Variants in TPRG1 observed in about 807,000 individuals in gnomAD.
TPRG1 encodes the protein tumor protein p63 regulated 1, also known as tumor protein p63-regulated gene 1 protein.
A neutral mutation model predicts 29.3 loss-of-function variants in TPRG1; 29 were observed. That is an observed-to-expected ratio of 0.99 (90% confidence interval 0.74 to 1.35). The LOEUF (loss-of-function observed/expected upper bound fraction) is 1.35. Ranked by LOEUF, TPRG1 falls within the 40% of genes most tolerant of loss-of-function variation. The pLI is 0.00. For missense variants in TPRG1, 327 were observed against 335.0 expected (o/e 0.98, Z 0.19); for synonymous variants, 130 against 116.8 (o/e 1.11, Z -0.73).
intron 4 of TPRG1, among the ~76,000 whole-genome samples, chr3:189,069,380 A>G (rs561844176): frequency 1.3e-5 from 2 of 152,332 alleles, no homozygotes; most frequent in East Asian, 1.9e-4. Flanking sequence ...GAGTACAGCA[A>G]AAAGGGAAAC....
upstream of TPRG1, chr3:189,171,897 G>C (rs1161080925): frequency 6.6e-6 from 1 of 152,192 alleles, no homozygotes; most frequent in Non-Finnish European, 1.5e-5. Flanking sequence ...TGCCTCTGAC[G>C]GGTTGAGTTC....
chr3:189,016,951 C>T (rs1355070040), intron 3 of TPRG1, among the ~76,000 whole-genome samples: 4 of 152,102 alleles, frequency 2.6e-5, no homozygotes, highest in African/African-American at 9.7e-5. Context: ...ATACTGGGTT[C>T]TCTGCATTTC....
At chr3:189,164,299 A>T (rs1166082876) in intron 5 of TPRG1, among the ~76,000 whole-genome samples, 1 of 152,128 alleles carries the variant, frequency 6.6e-6, no homozygotes, top group Non-Finnish European at 1.5e-5. Context: ...AGCAGCTGGG[A>T]CTACAGGTGC....
chr3:189,304,698 T>C (rs1310780609), intron 4 of TPRG1, among the ~76,000 whole-genome samples: 1 of 152,160 alleles, frequency 6.6e-6, no homozygotes, highest in Non-Finnish European at 1.5e-5. Flanking sequence ...CAAAGGAGCA[T>C]TGAATACCCT....
At chr3:189,022,517 G>T (rs1306648981) in intron 3 of TPRG1, among the ~76,000 whole-genome samples, 1 of 151,202 alleles carries the variant, frequency 6.6e-6, no homozygotes, top group Non-Finnish European at 1.5e-5. Context: ...TGCCCCTGCT[G>T]GGGGGTGCCT....
At chr3:189,004,721 C>G (rs888037697) in exon 3 of TPRG1, 1 of 152,108 alleles carries the variant, frequency 6.6e-6, no homozygotes, top group Non-Finnish European at 1.5e-5. Flanking sequence ...ATTACTTCCT[C>G]CCTCCGACTC....
chr3:189,221,847 C>A (rs538936072), intron 3 of TPRG1, among the ~76,000 whole-genome samples: 3 of 152,192 alleles, frequency 2.0e-5, no homozygotes, highest in African/African-American at 7.2e-5. Context: ...ATGAAGAAAC[C>A]TAGAGATTAA....
At chr3:189,076,214 A>G (rs1006006809) in intron 4 of TPRG1, among the ~76,000 whole-genome samples, 1 of 152,122 alleles carries the variant, frequency 6.6e-6, no homozygotes, top group African/African-American at 2.4e-5. Flanking sequence ...AACATCTAAT[A>G]GGTTTGGACT....
At chr3:189,154,473 G>A (rs1194766587) in intron 5 of TPRG1, among the ~76,000 whole-genome samples, 1 of 148,916 alleles carries the variant, frequency 6.7e-6, no homozygotes, top group East Asian at 2.0e-4. Flanking sequence ...ATGGAGTCTT[G>A]CACTGTCACC....
intron 4 of TPRG1, among the ~76,000 whole-genome samples, chr3:189,274,734 C>T (rs572843621): frequency 1.0e-3 from 153 of 152,118 alleles, no homozygotes; most frequent in Middle Eastern, 3.4e-3. Context: ...GAGGCTTGTC[C>T]CTCAACTTGG....
chr3:189,298,334 G>C (rs1003345116), intron 4 of TPRG1, among the ~76,000 whole-genome samples: 1 of 152,150 alleles, frequency 6.6e-6, no homozygotes, highest in African/African-American at 2.4e-5. Context: ...GACTTTGCAG[G>C]GTTCTGTTAA....
intron 4 of TPRG1, among the ~76,000 whole-genome samples, chr3:189,043,439 A>G (rs571848409): frequency 1.3e-5 from 2 of 152,130 alleles, no homozygotes; most frequent in Non-Finnish European, 2.9e-5. Context: ...CATTCACACA[A>G]ATGACAAGGT....
intron 1 of TPRG1, among the ~76,000 whole-genome samples, chr3:189,180,354 C>A (rs962026487): frequency 2.0e-5 from 3 of 152,118 alleles, no homozygotes; most frequent in Non-Finnish European, 4.4e-5. Flanking sequence ...AGTCCACAGT[C>A]CAAAGTCTCA....
chr3:189,232,973 C>T (rs1477850822), intron 3 of TPRG1, among the ~76,000 whole-genome samples: 2 of 152,022 alleles, frequency 1.3e-5, no homozygotes, highest in East Asian at 3.9e-4. Context: ...GGCCTGAAAC[C>T]CAGTGGGTGA....
chr3:189,282,355 G>T (rs151208227), intron 4 of TPRG1, among the ~76,000 whole-genome samples: 54 of 152,164 alleles, frequency 3.5e-4, no homozygotes, highest in Non-Finnish European at 6.8e-4. Flanking sequence ...CAGCAAGCCA[G>T]GCCAGCTCTG....
chr3:189,285,071 A>G (rs891417055), intron 4 of TPRG1, among the ~76,000 whole-genome samples: 1 of 152,200 alleles, frequency 6.6e-6, no homozygotes, highest in African/African-American at 2.4e-5. Flanking sequence ...AGAATCTACA[A>G]TGAACTCAAA....
At chr3:189,032,468 T>C (rs980268235) in intron 4 of TPRG1, among the ~76,000 whole-genome samples, 1 of 152,108 alleles carries the variant, frequency 6.6e-6, no homozygotes, top group Non-Finnish European at 1.5e-5. Context: ...AAATAAAAAA[T>C]AGAATACACT....
At chr3:189,290,374 C>T (rs986432491) in intron 4 of TPRG1, among the ~76,000 whole-genome samples, 1 of 152,226 alleles carries the variant, frequency 6.6e-6, no homozygotes. Flanking sequence ...CTCATGTCTA[C>T]ATTCATCCAT....
intron 4 of TPRG1, among the ~76,000 whole-genome samples, chr3:189,045,221 A>T (rs1305842116): frequency 1.3e-5 from 2 of 152,346 alleles, no homozygotes; most frequent in Non-Finnish European, 2.9e-5. Flanking sequence ...ACACCAAAGG[A>T]CTGTCCCGAA....
Sources: allele counts gnomAD v4.1 joint callset (sites outside exome capture counted in the v4.1 genomes callset), GRCh38; gene constraint gnomAD v4.1.1; transcripts MANE v1.5; gene names NCBI Gene and HGNC (gene_info 2026-07-23, HGNC 2026-07-21).